RGS3: variants seen among roughly 807,000 people sequenced by gnomAD.
RGS3 encodes the protein regulator of G protein signaling 3.
A neutral mutation model predicts 132.6 loss-of-function variants in RGS3; 80 were observed. The observed-to-expected ratio is 0.60, with a 90% CI of 0.50 to 0.73. The LOEUF is 0.73. RGS3 is among the 30% of genes least tolerant of loss of function. The pLI is 0.00. For synonymous variants in RGS3, 598 were observed against 620.6 expected (o/e 0.96, Z 0.54); for missense variants, 1,382 against 1,530.8 (o/e 0.90, Z 1.62).
At chr9:113,501,290 C>T in intron 10 of RGS3, 2 of 686,232 alleles carry the variant, frequency 2.9e-6, no homozygotes, top group Non-Finnish European at 4.4e-6. Context: ...AACAAAGGCG[C>T]CCTCTCCCCG....
chr9:113,515,898 A>G (rs981946031), intron 15 of RGS3, among the ~76,000 whole-genome samples: 2 of 152,182 alleles, frequency 1.3e-5, no homozygotes, highest in African/African-American at 4.8e-5. Context: ...TTCTGTATTC[A>G]GATACTTCTG....
At chr9:113,484,275 G>A (rs749243305) in intron 6 of RGS3, 43 bp downstream of exon 4, 3 of 944,620 alleles carry the variant, frequency 3.2e-6, no homozygotes, top group African/African-American at 1.7e-5. Flanking sequence ...GAGAGGGAAG[G>A]AGTGTTTATC....
chr9:113,575,894 T>G (rs1461093793), intron 19 of RGS3, among the ~76,000 whole-genome samples: 1 of 152,206 alleles, frequency 6.6e-6, no homozygotes, highest in East Asian at 1.9e-4. Context: ...TTTCAAACTT[T>G]AATGTGCAAA....
At position 113,587,435 on chromosome 9, in the gene RGS3, C is replaced by T. The variant is rs117234078; in HGVS notation, c.3015+3008C>T. 1.8e-3 allele frequency among the ~76,000 whole-genome samples: 273 copies of T among 152,306 alleles called. 2 individuals carry two copies. The highest frequency in any genetic ancestry group is 8.7e-3 in the East Asian group (45 of 5,186). On this transcript the variant is annotated intron_variant, in intron 20 of 24. Transcript: ENST00000350696. ...ACCCAGGTTCAAGTCTCAGCTCTGC[C>T]TCCTCCTCCCTGGCTCTGAGACCTT...
intron 11 of RGS3, 50 bp downstream of exon 9, chr9:113,505,573 G>GTGGT: frequency 6.1e-6 from 9 of 1,470,412 alleles, no homozygotes; most frequent in Non-Finnish European, 8.6e-6. Flanking sequence ...CCACACATGT[G>GTGGT]GGCTTTGCAA....
At chr9:113,501,767 G>A in intron 10 of RGS3, 1 of 930,444 alleles carries the variant, frequency 1.1e-6, no homozygotes. Flanking sequence ...TGGATATGGG[G>A]AGGAGGATAG....
chr9:113,453,133 A>G (rs1829293240), intron 1 of RGS3, among the ~76,000 whole-genome samples: 2 of 132,586 alleles, frequency 1.5e-5, no homozygotes, highest in East Asian at 4.2e-4. Flanking sequence ...TGATTATATA[A>G]TATACTCATA....
intron 19 of RGS3, among the ~76,000 whole-genome samples, chr9:113,563,364 C>T (rs1833868912): frequency 1.3e-5 from 2 of 152,212 alleles, no homozygotes; most frequent in Non-Finnish European, 2.9e-5. Context: ...AGTCTATGCT[C>T]TGTAACTGTT....
intron 10 of RGS3, chr9:113,501,527 G>C: frequency 6.5e-7 from 1 of 1,534,896 alleles, no homozygotes; most frequent in Non-Finnish European, 8.7e-7. Context: ...CCCGCTGCTG[G>C]GGGAGAGCTG....
At chr9:113,555,687 G>A (rs1461142979) in intron 19 of RGS3, among the ~76,000 whole-genome samples, 2 of 151,990 alleles carry the variant, frequency 1.3e-5, no homozygotes, top group Non-Finnish European at 1.5e-5. Flanking sequence ...GGGTGGTCTC[G>A]AACTCCTGAC....
chr9:113,453,031 A>AT (rs1564437321), intron 1 of RGS3, among the ~76,000 whole-genome samples: 1 of 131,828 alleles, frequency 7.6e-6, no homozygotes. Flanking sequence ...TATATAATAT[A>AT]TAATATATAT....
chr9:113,521,022 A>C (rs1401593473), intron 16 of RGS3, among the ~76,000 whole-genome samples: 1 of 152,114 alleles, frequency 6.6e-6, no homozygotes, highest in Non-Finnish European at 1.5e-5. Flanking sequence ...TCTGAGCTCT[A>C]GGGTCCTCAT....
chr9:113,456,920 C>G (rs773896531), upstream of RGS3, among the ~76,000 whole-genome samples: 24 of 152,200 alleles, frequency 1.6e-4, no homozygotes, highest in Non-Finnish European at 3.1e-4. Flanking sequence ...CTGCCTCAGC[C>G]TCCCGAGTAG....
At chr9:113,475,207 A>T (rs543856752) in intron 3 of RGS3, among the ~76,000 whole-genome samples, 1 of 152,054 alleles carries the variant, frequency 6.6e-6, no homozygotes, top group East Asian at 1.9e-4. Context: ...GGCATCCATC[A>T]CCACCACCTT....
intron 3 of RGS3, among the ~76,000 whole-genome samples, chr9:113,472,441 A>G (rs775696631): frequency 2.6e-5 from 4 of 152,242 alleles, no homozygotes; most frequent in Admixed American, 6.5e-5. Flanking sequence ...ATTTGGCCAC[A>G]AAGGGACTAA....
At chr9:113,453,111 A>C (rs1216392118) in intron 1 of RGS3, among the ~76,000 whole-genome samples, 1 of 134,586 alleles carries the variant, frequency 7.4e-6, no homozygotes, top group South Asian at 2.2e-4. Flanking sequence ...ATAAATTTAC[A>C]TACTCATTAT....
intron 14 of RGS3, among the ~76,000 whole-genome samples, chr9:113,510,103 C>G (rs1009261023): frequency 6.6e-6 from 1 of 152,022 alleles, no homozygotes; most frequent in Non-Finnish European, 1.5e-5. Flanking sequence ...ATCCTTCCCC[C>G]GAAGTCTGCA....
intron 1 of RGS3, among the ~76,000 whole-genome samples, chr9:113,450,013 G>A (rs1346477857): frequency 6.6e-6 from 1 of 151,388 alleles, no homozygotes; most frequent in Non-Finnish European, 1.5e-5. Flanking sequence ...CCAAAGTGCT[G>A]GGATTATAGG....
Position 113,498,097 on chromosome 9 carries a change from T to G in RGS3, c.897+17T>G. 6.2e-7 allele frequency: 1 copy of G among 1,612,550 alleles called. No homozygotes were observed. The highest frequency in any genetic ancestry group is 8.5e-7 in the Non-Finnish European group (1 of 1,178,660). ...AAACTAAAGGTAGGTGGGGACAAGC[T>G]AGGGCATTGCTCCAGGAGCTGGATC... On this transcript the variant is annotated intron_variant, in intron 10 of 24. Coordinates refer to ENST00000350696, the Ensembl canonical transcript of RGS3.
Sources: allele counts gnomAD v4.1 joint callset (sites outside exome capture counted in the v4.1 genomes callset), GRCh38; gene constraint gnomAD v4.1.1; transcripts MANE v1.5; gene names NCBI Gene and HGNC (gene_info 2026-07-23, HGNC 2026-07-21).